SESTD1: variants seen among roughly 807,000 people sequenced by gnomAD.
SESTD1 encodes the protein SEC14 domain and spectrin repeat-containing protein 1.
SESTD1 carries 43 observed loss-of-function variants against 101.7 expected under a neutral mutation model. That is an observed-to-expected ratio of 0.42 (90% confidence interval 0.33 to 0.55). The LOEUF (loss-of-function observed/expected upper bound fraction) is 0.55, where lower values mean the gene tolerates loss of function less well. SESTD1 is among the 20% of genes least tolerant of loss of function. The probability of loss-of-function intolerance (pLI) is 0.07; values close to 1 mark genes in which losing one functional copy is unlikely to be tolerated. For missense variants in SESTD1, 647 were observed against 815.1 expected (o/e 0.79, Z 2.51); for synonymous variants, 283 against 286.8 (o/e 0.99, Z 0.13).
chr2:179,247,410 GTTTGTT>G (rs527647927), intron 1 of SESTD1, among the ~76,000 whole-genome samples: 20 of 152,008 alleles, frequency 1.3e-4, no homozygotes, highest in East Asian at 5.8e-4. Context: ...CAAATATTTT[GTTTGTT>G]TTTGTTTTTG....
chr2:179,191,661 A>T (rs1490627387), intron 2 of SESTD1, 126 bp downstream of exon 2: 1 of 773,376 alleles, frequency 1.3e-6, no homozygotes. Context: ...TGATTTAAAG[A>T]TGTCTTAGAA....
At chr2:179,260,814 A>T (rs575052341) in intron 1 of SESTD1, among the ~76,000 whole-genome samples, 1 of 152,144 alleles carries the variant, frequency 6.6e-6, no homozygotes, top group Non-Finnish European at 1.5e-5. Context: ...TCCCATTTGT[A>T]AAAGAAAAAA....
intron 7 of SESTD1, among the ~76,000 whole-genome samples, chr2:179,146,904 GGTGTGT>G (rs71023470): frequency 0.23 from 33,952 of 145,376 alleles, 3,933 homozygotes; most frequent in South Asian, 0.38. Context: ...ATATTCCAGG[GGTGTGT>G]GTGTGTGTGT....
chr2:179,197,863 T>A (rs7420537), intron 1 of SESTD1, among the ~76,000 whole-genome samples: 43,118 of 151,340 alleles, frequency 0.28, 6,410 homozygotes, highest in South Asian at 0.43. Flanking sequence ...TCATGCCAAA[T>A]TGTAAAGACC....
At chr2:179,239,001 AAG>A (rs1366222954) in intron 1 of SESTD1, among the ~76,000 whole-genome samples, 2 of 152,212 alleles carry the variant, frequency 1.3e-5, no homozygotes, top group Admixed American at 6.5e-5. Context: ...TAAGAAATTC[AAG>A]AGTGTCTCAT....
chr2:179,234,566 T>TACCC lies in SESTD1; in HGVS notation c.-26+29932_-26+29933insGGGT. 2.0e-5 allele frequency among the ~76,000 whole-genome samples: 3 copies of TACCC among 151,874 alleles called. No individual in the cohort carries two copies. The East Asian group carries it at 5.8e-4, about 29-fold the overall frequency. The stretch of plus-strand genomic sequence containing the variant: ...GCTGAGGCGGGTAGATCACTTGGGG[T>TACCC]CAGGAGTTTGAGACCAGCCTGGCCA... On this transcript the variant is annotated intron_variant, in intron 1 of 17. Coordinates refer to ENST00000428443, the MANE Select transcript of SESTD1 (RefSeq NM_178123.5).
chr2:179,257,154 T>C (rs980445783), intron 1 of SESTD1, among the ~76,000 whole-genome samples: 6 of 151,656 alleles, frequency 4.0e-5, no homozygotes, highest in Non-Finnish European at 8.8e-5. Context: ...AGGACACATC[T>C]CATTCTATGT....
At chr2:179,130,515 A>G (rs2044986248) in intron 10 of SESTD1, among the ~76,000 whole-genome samples, 1 of 152,092 alleles carries the variant, frequency 6.6e-6, no homozygotes, top group South Asian at 2.1e-4. Context: ...AATTTCATCC[A>G]TACTATACGC....
At chr2:179,248,271 TCA>T (rs1350186336) in intron 1 of SESTD1, among the ~76,000 whole-genome samples, 2 of 151,874 alleles carry the variant, frequency 1.3e-5, no homozygotes, top group Admixed American at 6.6e-5. Flanking sequence ...TAAAATAAAT[TCA>T]CAGTTTATAA....
Position 179,242,925 on chromosome 2 carries a change from T to A in SESTD1, c.-26+21574A>T, listed in dbSNP as rs564067516. Among the ~76,000 whole-genome samples the A allele has an allele frequency of 3.0e-3, 453 of 152,012 alleles. 5 individuals are homozygous for A. Among genetic ancestry groups the A allele is most frequent in the African/African-American group, 0.011 (436 of 41,454 alleles). ...TCATGACTAAGTCCTAAAAAGCAAG[T>A]GCAACAAAAACAAAAATTGACAAGT... is the stretch of plus-strand genomic sequence containing the variant. On this transcript the variant is annotated intron_variant, in intron 1 of 17. Transcript: ENST00000428443.
At chr2:179,246,321 T>C (rs1366423115) in intron 1 of SESTD1, among the ~76,000 whole-genome samples, 2 of 147,664 alleles carry the variant, frequency 1.4e-5, no homozygotes, top group Non-Finnish European at 3.0e-5. Flanking sequence ...GAGATAGAGA[T>C]GTACATTTTA....
At chr2:179,243,565 T>C (rs1008678593) in intron 1 of SESTD1, among the ~76,000 whole-genome samples, 1 of 152,172 alleles carries the variant, frequency 6.6e-6, no homozygotes, top group Non-Finnish European at 1.5e-5. Context: ...TACCATGGAA[T>C]ACTATGTAGC....
intron 5 of SESTD1, among the ~76,000 whole-genome samples, chr2:179,168,107 T>C (rs1047442025): frequency 4.6e-5 from 7 of 152,082 alleles, no homozygotes; most frequent in African/African-American, 1.2e-4. Context: ...CAGGACTGAA[T>C]TGCACAGGTC....
intron 17 of SESTD1, among the ~76,000 whole-genome samples, chr2:179,110,559 A>C (rs1170157774): frequency 6.6e-6 from 1 of 152,184 alleles, no homozygotes; most frequent in Non-Finnish European, 1.5e-5. Context: ...TATCAGGTTA[A>C]TCTCTTTATT....
At chr2:179,204,938 G>A (rs1437893560) in intron 1 of SESTD1, among the ~76,000 whole-genome samples, 1 of 134,924 alleles carries the variant, frequency 7.4e-6, no homozygotes, top group African/African-American at 2.9e-5. Flanking sequence ...AACAGTCACA[G>A]AAACGGAACT....
intron 5 of SESTD1, among the ~76,000 whole-genome samples, chr2:179,157,339 A>G (rs545262126): frequency 1.6e-4 from 24 of 152,256 alleles, no homozygotes; most frequent in South Asian, 4.1e-4. Flanking sequence ...CCAAAATACC[A>G]TCATTCTTCA....
chr2:179,156,550 C>A (rs1006052348), intron 5 of SESTD1, among the ~76,000 whole-genome samples: 1 of 152,114 alleles, frequency 6.6e-6, no homozygotes, highest in African/African-American at 2.4e-5. Flanking sequence ...CATTGTGGTA[C>A]TGATTTGCAT....
Position 179,257,255 on chromosome 2 carries a change from T to C in SESTD1, c.-26+7244A>G, listed in dbSNP as rs375696235. 2.6e-5 allele frequency among the ~76,000 whole-genome samples: 4 copies of C among 152,038 alleles called. No individual in the cohort carries two copies. In the East Asian group the frequency reaches 7.7e-4, roughly 29 times the overall value. On this transcript the variant is annotated intron_variant, in intron 1 of 17. Coordinates refer to ENST00000428443, the MANE Select transcript of SESTD1 (RefSeq NM_178123.5). The stretch of plus-strand genomic sequence containing the variant: ...GAAAAAGGCAAGAAAGTAATTACCA[T>C]AGCTACCCCAAACTTCAAGCAACAA...
chr2:179,206,871 G>A (rs1194658988), intron 1 of SESTD1, among the ~76,000 whole-genome samples: 1 of 133,864 alleles, frequency 7.5e-6, no homozygotes, highest in African/African-American at 3.0e-5. Flanking sequence ...GTGGGGGCAA[G>A]GTGGGAGTGA....
Sources: allele counts gnomAD v4.1 joint callset (sites outside exome capture counted in the v4.1 genomes callset), GRCh38; gene constraint gnomAD v4.1.1; transcripts MANE v1.5; gene names NCBI Gene and HGNC (gene_info 2026-07-23, HGNC 2026-07-21).